The following USP28 variants were observed in gnomAD, a reference collection of about 807,000 sequenced individuals.
USP28 encodes the protein ubiquitin specific peptidase 28.
USP28 carries 113 observed loss-of-function variants against 145.0 expected under a neutral mutation model. That is an observed-to-expected ratio of 0.78 (90% CI 0.67 to 0.91). The LOEUF is 0.91. Among genes scored for constraint, USP28 ranks in the 40% least tolerant of loss-of-function variants. USP28 has a pLI of 0.00. For missense variants in USP28, 1,201 were observed against 1,289.6 expected, an observed-to-expected ratio of 0.93 and a Z score of 1.05; for synonymous variants, 447 against 450.9, an observed-to-expected ratio of 0.99 and a Z score of 0.11.
chr11:113,803,203 C>G (rs1939354400), exon 23 of USP28: 2 of 1,614,020 alleles, frequency 1.2e-6, no homozygotes, highest in Non-Finnish European at 1.7e-6. Flanking sequence ...ATTCTTTGAC[C>G]CCCCGGCGGG....
intron 5 of USP28, among the ~76,000 whole-genome samples, chr11:113,839,541 C>T (rs1304817979): frequency 4.6e-5 from 7 of 152,082 alleles, no homozygotes; most frequent in South Asian, 2.1e-4. Context: ...GCCTAGATTG[C>T]GCCATCTTGT....
In USP28 at chr11:113,833,524, G is replaced by A. The variant is rs895803238; in HGVS notation, c.655C>T (p.Gln219Ter). The change falls in exon 7 of 25, where the codon CAG becomes TAG. Residue 219 changes from glutamine (Q) to a stop codon, truncating the protein, a stop_gained. Coordinates refer to ENST00000003302, the Ensembl canonical transcript of USP28. LOFTEE classifies it high-confidence loss of function. ...CCCATCATTAGAGCAAACAAATACT[G>A]AAGCTCTTGCATAAACATGATATTT... 2 of 1,614,046 alleles carry A rather than the reference G, an allele frequency of 1.2e-6. No homozygotes were observed. Among genetic ancestry groups the A allele is most frequent in the Non-Finnish European group, 8.5e-7 (1 of 1,179,948 alleles).
chr11:113,806,459 T>C lies in USP28; in HGVS notation c.2400+30A>G, dbSNP rs371003807. 3.0e-5 allele frequency: 47 copies of C among 1,569,470 alleles called. No homozygotes were observed. In the Admixed American group the frequency reaches 4.9e-4, roughly 16 times the overall value. ...CCCCAATATTATGATGCCTATATTGTAAGAATTAGAATTTTAAAAACAGAG... is the reference window on the plus strand; with the variant it reads ...CCCCAATATTATGATGCCTATATTGCAAGAATTAGAATTTTAAAAACAGAG... On this transcript the variant is annotated intron_variant, in intron 19 of 24. Coordinates refer to ENST00000003302, the Ensembl canonical transcript of USP28.
chr11:113,854,697 C>T (rs988627837), intron 1 of USP28, among the ~76,000 whole-genome samples: 16 of 152,294 alleles, frequency 1.1e-4, no homozygotes, highest in African/African-American at 3.4e-4. Flanking sequence ...CCAATGCAAA[C>T]GGCCCTGCAT....
chr11:113,808,253 T>C (rs1940363109), intron 18 of USP28, 45 bp downstream of exon 18: 1 of 1,592,630 alleles, frequency 6.3e-7, no homozygotes, highest in South Asian at 1.1e-5. Context: ...CCATCGCTGC[T>C]GAAAGCCCGG....
chr11:113,844,258 G>GTTT (rs1945556766), intron 3 of USP28, among the ~76,000 whole-genome samples: 1 of 151,924 alleles, frequency 6.6e-6, no homozygotes, highest in Non-Finnish European at 1.5e-5. Flanking sequence ...GATAAAAATA[G>GTTT]TAAAACCCCA....
chr11:113,834,776 T>C (rs1223200107), intron 5 of USP28, among the ~76,000 whole-genome samples: 2 of 152,164 alleles, frequency 1.3e-5, no homozygotes, highest in African/African-American at 2.4e-5. Flanking sequence ...TAAGCAGTCA[T>C]TGAAATAATA....
In USP28 at chr11:113,824,292, A is replaced by G. The variant is rs189911134; in HGVS notation, c.1188-592T>C. Among the ~76,000 whole-genome samples the G allele has an allele frequency of 2.9e-3, 438 of 152,234 alleles. 2 individuals carry two copies. Among genetic ancestry groups the G allele is most frequent in the African/African-American group, 9.8e-3 (406 of 41,558 alleles). On this transcript the variant is annotated intron_variant, in intron 11 of 24. Transcript: ENST00000003302. Reference sequence around the variant, plus strand: ...ATTAACTTATTTAATAAATGGAGCTATACACTGTTCATGGATTGAAGGACT... The same window carrying G: ...ATTAACTTATTTAATAAATGGAGCTGTACACTGTTCATGGATTGAAGGACT...
chr11:113,868,923 CT>C (rs1443932595), intron 1 of USP28, among the ~76,000 whole-genome samples: 1 of 139,858 alleles, frequency 7.2e-6, no homozygotes, highest in Non-Finnish European at 1.5e-5. Flanking sequence ...AAGACCATGT[CT>C]CAAAAAAAAA....
intron 1 of USP28, chr11:113,874,484 CAA>C (rs905743876): frequency 7.5e-6 from 8 of 1,061,044 alleles, no homozygotes; most frequent in Admixed American, 5.6e-5. Flanking sequence ...GCCTTCCAGA[CAA>C]AAGAGTAAAA....
At chr11:113,826,294 AAAAG>A (rs1555065546) in intron 11 of USP28, among the ~76,000 whole-genome samples, 1 of 143,774 alleles carries the variant, frequency 7.0e-6, no homozygotes, top group African/African-American at 2.5e-5. Context: ...AAAAAAAAAA[AAAAG>A]AAAGAAAGAA....
At chr11:113,817,835 T>C (rs1161307773) in exon 13 of USP28, 28 of 1,614,094 alleles carry the variant, frequency 1.7e-5, no homozygotes, top group Non-Finnish European at 2.3e-5. Context: ...ATATTTCACA[T>C]ACCTAAGCGA....
At chr11:113,869,841 G>A (rs1948644620) in intron 1 of USP28, among the ~76,000 whole-genome samples, 1 of 152,194 alleles carries the variant, frequency 6.6e-6, no homozygotes, top group Admixed American at 6.5e-5. Flanking sequence ...CTGGGAAACA[G>A]AGTATAGAAG....
chr11:113,829,629 C>T (rs1024349544), intron 9 of USP28, among the ~76,000 whole-genome samples: 1 of 151,972 alleles, frequency 6.6e-6, no homozygotes, highest in African/African-American at 2.4e-5. Context: ...GGAGTTTGAC[C>T]AGCCTGGAAA....
intron 1 of USP28, among the ~76,000 whole-genome samples, chr11:113,864,215 T>C (rs1324822783): frequency 6.6e-6 from 1 of 152,084 alleles, no homozygotes; most frequent in Admixed American, 6.6e-5. Flanking sequence ...CACTCCAGCC[T>C]GGGCAACAGA....
At position 113,812,513 on chromosome 11, in the gene USP28, C is replaced by G; in HGVS notation, c.1744-9G>C. ...TGCAAGCGATAAGGCACCTGTAAGT[C>G]AGAATGTACATTCCCCAGTCAGGTG... On this transcript the variant is annotated splice_polypyrimidine_tract_variant and intron_variant, in intron 15 of 24. Transcript: ENST00000003302. 6 of 1,610,378 alleles carry G rather than the reference C, an allele frequency of 3.7e-6. No individual in the cohort carries two copies. Among genetic ancestry groups the G allele is most frequent in the Non-Finnish European group, 5.1e-6 (6 of 1,178,608 alleles).
At chr11:113,835,198 T>C (rs1172821058) in intron 5 of USP28, 1 of 440,504 alleles carries the variant, frequency 2.3e-6, no homozygotes. Context: ...ATTTTTCTAC[T>C]ATGAATACCT....
At chr11:113,856,926 A>C (rs1232981993) in intron 1 of USP28, among the ~76,000 whole-genome samples, 1 of 152,174 alleles carries the variant, frequency 6.6e-6, no homozygotes, top group Non-Finnish European at 1.5e-5. Flanking sequence ...AGTTTATTTT[A>C]AAAATCTGCT....
intron 24 of USP28, among the ~76,000 whole-genome samples, chr11:113,800,618 G>A (rs1938823221): frequency 6.6e-6 from 1 of 152,034 alleles, no homozygotes; most frequent in Non-Finnish European, 1.5e-5. Context: ...CTATGTCAGT[G>A]AGAACCTAAC....
Sources: allele counts gnomAD v4.1 joint callset (sites outside exome capture counted in the v4.1 genomes callset), GRCh38; gene constraint gnomAD v4.1.1; transcripts MANE v1.5; gene names NCBI Gene and HGNC (gene_info 2026-07-23, HGNC 2026-07-21).